The following PARP8 variants were observed in gnomAD, a reference collection of about 807,000 sequenced individuals.
PARP8 encodes protein mono-ADP-ribosyltransferase PARP8.
PARP8 carries 51 observed loss-of-function variants against 124.1 expected under a neutral mutation model. The observed-to-expected ratio is 0.41, with a 90% CI of 0.33 to 0.52. The LOEUF is 0.52. Ranked by LOEUF, PARP8 falls within the 20% of genes least tolerant of loss-of-function variation. PARP8 has a pLI of 0.21. For synonymous variants in PARP8, 391 were observed against 361.5 expected (o/e 1.08, Z -0.93); for missense variants, 860 against 1,018.9 (o/e 0.84, Z 2.12).
At chr5:50,839,352 T>G (rs1383731547) in intron 25 of PARP8, among the ~76,000 whole-genome samples, 2 of 152,014 alleles carry the variant, frequency 1.3e-5, no homozygotes, top group Non-Finnish European at 2.9e-5. Flanking sequence ...TCTCTTAAAT[T>G]CTGTTGCTTT....
chr5:50,735,999 A>G (rs1042529988), intron 2 of PARP8, among the ~76,000 whole-genome samples: 3 of 129,962 alleles, frequency 2.3e-5, no homozygotes, highest in African/African-American at 8.7e-5. Context: ...CATTTGAAGG[A>G]TGGAATTTAT....
Position 50,796,598 on chromosome 5 carries a change from A to G in PARP8, c.1429-384A>G, listed in dbSNP as rs542546469. The stretch of plus-strand genomic sequence containing the variant: ...TTATGACACTTTCAGTAGCTGTCTA[A>G]TATTTCTTTGGAGGAATAATTGTAT... On this transcript the variant is annotated intron_variant, in intron 12 of 25. Coordinates refer to ENST00000281631, the MANE Select transcript of PARP8 (RefSeq NM_024615.4). Among the ~76,000 whole-genome samples, 11 of 152,332 alleles carry G rather than the reference A, an allele frequency of 7.2e-5. No individual in the cohort carries two copies. The East Asian group carries it at 1.3e-3, about 19-fold the overall frequency.
chr5:50,670,246 A>G (rs1459984554), intron 2 of PARP8, among the ~76,000 whole-genome samples: 6 of 152,216 alleles, frequency 3.9e-5, no homozygotes, highest in African/African-American at 1.4e-4. Context: ...TAGGTGAACT[A>G]GACTTTATTG....
chr5:50,695,026 T>C (rs933935961), intron 2 of PARP8, among the ~76,000 whole-genome samples: 5 of 152,180 alleles, frequency 3.3e-5, no homozygotes, highest in African/African-American at 1.2e-4. Context: ...GTTGATTAGA[T>C]GGTACCCACC....
chr5:50,695,648 C>T (rs1202365830), intron 2 of PARP8, among the ~76,000 whole-genome samples: 2 of 151,730 alleles, frequency 1.3e-5, no homozygotes, highest in African/African-American at 4.8e-5. Context: ...ATCCTTGCTT[C>T]ATTGTATAGT....
chr5:50,775,708 G>C (rs1055732429), intron 7 of PARP8, among the ~76,000 whole-genome samples: 1 of 152,030 alleles, frequency 6.6e-6, no homozygotes, highest in South Asian at 2.1e-4. Context: ...TTCATTATTG[G>C]TGTACAGAAA....
intron 24 of PARP8, among the ~76,000 whole-genome samples, chr5:50,834,553 C>A (rs1251389824): frequency 1.6e-4 from 24 of 152,208 alleles, no homozygotes; most frequent in Non-Finnish European, 1.5e-5. Flanking sequence ...CCTAAAAATT[C>A]ATTTTTTCTT....
At chr5:50,729,309 GA>G (rs1191600081) in intron 2 of PARP8, among the ~76,000 whole-genome samples, 10 of 152,080 alleles carry the variant, frequency 6.6e-5, no homozygotes, top group African/African-American at 2.4e-4. Flanking sequence ...GCATACAGGG[GA>G]AAAAACTTTT....
chr5:50,667,990 C>A, intron 1 of PARP8, 81 bp from the exon 2 acceptor site: 1 of 1,607,746 alleles, frequency 6.2e-7, no homozygotes, highest in African/African-American at 1.3e-5. Flanking sequence ...CCTGACACCA[C>A]CGAATGTGGG....
chr5:50,800,639 GT>G (rs1743096896), intron 14 of PARP8, among the ~76,000 whole-genome samples: 1 of 151,138 alleles, frequency 6.6e-6, no homozygotes, highest in East Asian at 1.9e-4. Flanking sequence ...GTTGGTTTTT[GT>G]TTTTCTATGT....
chr5:50,750,027 T>C, intron 2 of PARP8, 124 bp from the exon 3 acceptor site: 1 of 747,352 alleles, frequency 1.3e-6, no homozygotes, highest in Admixed American at 2.8e-5. Context: ...GTTTTGGAAG[T>C]TTCCTGTTTA....
chr5:50,838,260 G>T (rs1747803229), intron 25 of PARP8, among the ~76,000 whole-genome samples: 1 of 151,748 alleles, frequency 6.6e-6, no homozygotes. Context: ...CTTTTTCCTT[G>T]CTCACTACAG....
At chr5:50,756,223 A>C (rs1004897823) in intron 3 of PARP8, among the ~76,000 whole-genome samples, 7 of 152,024 alleles carry the variant, frequency 4.6e-5, no homozygotes, top group Non-Finnish European at 7.4e-5. Context: ...ACTATGTTGA[A>C]TAGGAGTGGT....
intron 2 of PARP8, among the ~76,000 whole-genome samples, chr5:50,740,902 GA>G: frequency 6.6e-6 from 1 of 151,968 alleles, no homozygotes; most frequent in Admixed American, 6.6e-5. Flanking sequence ...AAATATTTAA[GA>G]TGCTGAGGGT....
Position 50,684,819 on chromosome 5 carries a change from C to A in PARP8, c.146+16694C>A, listed in dbSNP as rs546748270. The stretch of plus-strand genomic sequence containing the variant: ...TTGTATTCCTGCCTCATGTCCCTTT[C>A]CCTGAAGTGGCATGTGGGGTATGAG... On this transcript the variant is annotated intron_variant, in intron 2 of 25. Transcript: ENST00000281631. 2.6e-5 allele frequency among the ~76,000 whole-genome samples: 4 copies of A among 152,238 alleles called. No homozygotes were observed. The East Asian group carries it at 7.7e-4, about 29-fold the overall frequency.
chr5:50,744,856 T>C, intron 2 of PARP8: 3 of 683,380 alleles, frequency 4.4e-6, no homozygotes, highest in Non-Finnish European at 7.9e-6. Context: ...CTTTCACTTA[T>C]GCTTCTTGAC....
intron 9 of PARP8, among the ~76,000 whole-genome samples, chr5:50,788,183 T>C (rs1386621354): frequency 4.1e-5 from 6 of 144,812 alleles, no homozygotes; most frequent in Non-Finnish European, 4.5e-5. Context: ...TACATTAATA[T>C]ATAATATATT....
chr5:50,669,018 A>G (rs1224272856), intron 2 of PARP8: 3 of 152,248 alleles, frequency 2.0e-5, no homozygotes, highest in Non-Finnish European at 4.4e-5. Flanking sequence ...ATAAATTGCA[A>G]AAGAAGCTTT....
chr5:50,768,735 T>A (rs1761297140), intron 7 of PARP8, among the ~76,000 whole-genome samples: 1 of 152,192 alleles, frequency 6.6e-6, no homozygotes, highest in Non-Finnish European at 1.5e-5. Flanking sequence ...ATTCATGAGA[T>A]CCTGGGCCAC....
Sources: allele counts gnomAD v4.1 joint callset (sites outside exome capture counted in the v4.1 genomes callset), GRCh38; gene constraint gnomAD v4.1.1; transcripts MANE v1.5; gene names NCBI Gene and HGNC (gene_info 2026-07-23, HGNC 2026-07-21).